The following GREB1 variants were observed in gnomAD, a reference collection of about 807,000 sequenced individuals.
The protein encoded by GREB1 is growth regulating estrogen receptor binding 1, also known as protein GREB1.
A neutral mutation model predicts 200.7 loss-of-function variants in GREB1; 106 were observed. That is an observed-to-expected ratio of 0.53 (90% CI 0.45 to 0.62). GREB1 has a LOEUF of 0.62. GREB1 is among the 20% of genes least tolerant of loss of function. The pLI is 0.00. For synonymous variants in GREB1, 1,132 were observed against 1,092.4 expected (o/e 1.04, Z -0.72); for missense variants, 2,243 against 2,556.8 (o/e 0.88, Z 2.65).
rs1291795877 is a variant in GREB1, at chr2:11,561,320, G to A, written c.158-1143G>A. ...TGGCTATTTGTATGTGTGTGTGTTT[G>A]TGTGTCTAGTAGTGTTTACATGCAT... On this transcript the variant is annotated intron_variant, in intron 2 of 32. Coordinates refer to ENST00000381486, the MANE Select transcript of GREB1 (RefSeq NM_014668.4). 2.0e-5 allele frequency: 3 copies of A among 151,030 alleles called. No homozygotes were observed. The East Asian group carries it at 5.8e-4, about 29-fold the overall frequency. The allele number at this position is 151,030 out of a possible 1,614,324, so 9.4% of individuals were successfully genotyped here.
At chr2:11,490,025 A>G (rs1672744462) in intron 1 of GREB1, among the ~76,000 whole-genome samples, 1 of 149,878 alleles carries the variant, frequency 6.7e-6, no homozygotes, top group Non-Finnish European at 1.5e-5. Flanking sequence ...TATTACAATT[A>G]TATATGTTAT....
chr2:11,511,116 G>C (rs905862922), intron 1 of GREB1, among the ~76,000 whole-genome samples: 7 of 152,136 alleles, frequency 4.6e-5, no homozygotes, highest in African/African-American at 1.7e-4. Flanking sequence ...GTGAGGGCAG[G>C]CATGGGGCGT....
At chr2:11,586,720 A>C (rs1329335728) in intron 9 of GREB1, among the ~76,000 whole-genome samples, 1 of 152,198 alleles carries the variant, frequency 6.6e-6, no homozygotes, top group African/African-American at 2.4e-5. Context: ...GAAGCACCCT[A>C]CTGTTAATTA....
intron 1 of GREB1, among the ~76,000 whole-genome samples, chr2:11,510,870 G>A (rs1673330111): frequency 6.6e-6 from 1 of 151,888 alleles, no homozygotes; most frequent in Non-Finnish European, 1.5e-5. Context: ...ACAGGGTTTC[G>A]CCATGTTGGG....
intron 1 of GREB1, among the ~76,000 whole-genome samples, chr2:11,496,920 AT>A (rs1206989732): frequency 2.0e-5 from 3 of 152,012 alleles, no homozygotes; most frequent in African/African-American, 7.2e-5. Context: ...CAGTAGCGTG[AT>A]TATAGCTCAC....
intron 30 of GREB1, among the ~76,000 whole-genome samples, chr2:11,636,600 C>T (rs1455673778): frequency 2.0e-5 from 3 of 152,240 alleles, no homozygotes; most frequent in African/African-American, 7.2e-5. Context: ...TAAGGACCAT[C>T]GGGAGAAGCA....
chr2:11,581,879 A>G (rs1451808846), intron 7 of GREB1, among the ~76,000 whole-genome samples: 1 of 152,170 alleles, frequency 6.6e-6, no homozygotes, highest in Non-Finnish European at 1.5e-5. Context: ...TGAATTGTCT[A>G]ACTCTTCACT....
chr2:11,595,353 G>C lies in GREB1; in HGVS notation c.1799G>C (p.Gly600Ala). Residue 600 changes from glycine to alanine, a missense_variant, in exon 12 of 33, where the codon GGG (glycine) becomes GCG (alanine). Gly to Ala is a moderately conservative substitution (Grantham distance 60). Around this residue, in one of 3 missense-constraint regions of GREB1, gnomAD observed 1,178 missense variants for 1,387.4 expected, o/e 0.85. Transcript: ENST00000381486. ...ELVTGKVDSL[G>A]AFFSTLCPEG... ...GTTACGGGGAAGGTAGACTCGCTGG[G>C]GGCCTTCTTTAGCACCCTCTGTCCA... 6.2e-7 allele frequency: 1 copy of C among 1,613,844 alleles called. No homozygotes were observed. Among genetic ancestry groups the C allele is most frequent in the Non-Finnish European group, 8.5e-7 (1 of 1,179,832 alleles).
At chr2:11,513,200 T>C (rs1673398304) in intron 1 of GREB1, among the ~76,000 whole-genome samples, 1 of 152,176 alleles carries the variant, frequency 6.6e-6, no homozygotes, top group African/African-American at 2.4e-5. Context: ...CCTCTTTATT[T>C]TCCCACATAA....
chr2:11,592,659 A>C (rs1415209467), intron 10 of GREB1, 117 bp from the exon 11 acceptor site: 1 of 634,872 alleles, frequency 1.6e-6, no homozygotes, highest in East Asian at 3.3e-5. Flanking sequence ...TGCTCCAGCC[A>C]TCTGTGATAC....
chr2:11,562,371 A>G, intron 2 of GREB1, 92 bp from the exon 3 acceptor site: 3 of 1,537,058 alleles, frequency 2.0e-6, no homozygotes, highest in Non-Finnish European at 2.6e-6. Flanking sequence ...GGGCTTGTTG[A>G]GCCTGAGAAT....
At chr2:11,489,316 G>A (rs984606769) in intron 1 of GREB1, among the ~76,000 whole-genome samples, 5 of 152,112 alleles carry the variant, frequency 3.3e-5, no homozygotes, top group African/African-American at 9.7e-5. Flanking sequence ...AAAATTAGCC[G>A]GGCGTGGTGG....
In GREB1 at chr2:11,640,596, T is replaced by G; in HGVS notation, c.*142T>G. 1.1e-6 allele frequency: 1 copy of G among 917,302 alleles called. No individual in the cohort carries two copies. The highest frequency in any genetic ancestry group is 1.7e-5 in the African/African-American group (1 of 59,904). The allele number at this position is 917,302 out of a possible 1,614,324, so 56.8% of individuals were successfully genotyped here. ...CAGGTGCAGCCCCTCCTAGTACACA[T>G]GGGCCCCCGAGGCCGTGGTCCTGGG... On this transcript the variant is annotated 3_prime_UTR_variant, in exon 33 of 33. Coordinates refer to ENST00000381486, the MANE Select transcript of GREB1 (RefSeq NM_014668.4). The surrounding 1 kb of genome is among the most constrained non-coding windows in gnomAD (Gnocchi z 4.6).
intron 21 of GREB1, 141 bp downstream of exon 21, chr2:11,616,861 C>G: frequency 1.6e-6 from 1 of 630,664 alleles, no homozygotes; most frequent in African/African-American, 1.8e-5. Context: ...CTTTGAAGTG[C>G]TAGACTCTCT....
chr2:11,514,639 T>C (rs1342816763), intron 1 of GREB1, among the ~76,000 whole-genome samples: 8 of 152,244 alleles, frequency 5.3e-5, no homozygotes, highest in Non-Finnish European at 1.2e-4. Context: ...GCCAAAGGAA[T>C]GCCACTGCAG....
At chr2:11,584,260 A>G (rs538493831) in intron 7 of GREB1, among the ~76,000 whole-genome samples, 7 of 152,322 alleles carry the variant, frequency 4.6e-5, no homozygotes, top group African/African-American at 1.2e-4. Context: ...ATGGAAACCA[A>G]TTCTTGATAT....
chr2:11,515,966 C>A (rs1673484940), intron 1 of GREB1, among the ~76,000 whole-genome samples: 1 of 152,172 alleles, frequency 6.6e-6, no homozygotes, highest in African/African-American at 2.4e-5. Context: ...AGAAACACAA[C>A]CAGAGAAAAG....
At chr2:11,547,001 A>C (rs1432384761) in intron 1 of GREB1, among the ~76,000 whole-genome samples, 1 of 144,510 alleles carries the variant, frequency 6.9e-6, no homozygotes, top group Admixed American at 7.1e-5. Context: ...GCTGGATTGC[A>C]ATGGCGCAAT....
chr2:11,623,713 A>C (rs946964817), intron 23 of GREB1, among the ~76,000 whole-genome samples: 1 of 152,224 alleles, frequency 6.6e-6, no homozygotes, highest in African/African-American at 2.4e-5. Context: ...GAACATGGTG[A>C]AACCTCGTCT....
Sources: allele counts gnomAD v4.1 joint callset (sites outside exome capture counted in the v4.1 genomes callset), GRCh38; gene constraint gnomAD v4.1.1; regional missense constraint gnomAD v4.1.1; non-coding constraint Gnocchi (gnomAD v3.1); transcripts MANE v1.5; gene names NCBI Gene and HGNC (gene_info 2026-07-23, HGNC 2026-07-21).